LIAT1: variants seen among roughly 807,000 people sequenced by gnomAD.
LIAT1 encodes the protein protein LIAT1.
the LIAT1 span, chr17:410,420 G>A: frequency 3.8e-5 from 58 of 1,532,530 alleles, no homozygotes; most frequent in Non-Finnish European, 4.8e-5. Flanking sequence ...GGGCGCCCCC[G>A]GGGCGGGTTG....
chr17:413,764 C>T, the LIAT1 span: 19 of 1,569,982 alleles, frequency 1.2e-5, no homozygotes, highest in South Asian at 5.6e-5. Context: ...GCTTCCACCC[C>T]GACCCCAAGG....
the LIAT1 span, chr17:410,639 G>C: frequency 6.5e-7 from 1 of 1,540,324 alleles, no homozygotes; most frequent in African/African-American, 1.4e-5. Flanking sequence ...GGTCTGGCAA[G>C]GGGGACGGTA....
At chr17:410,487 A>G in the LIAT1 span, 4 of 1,543,926 alleles carry the variant, frequency 2.6e-6, no homozygotes, top group African/African-American at 4.1e-5. Context: ...AATGGGGTAC[A>G]AGGACAACGA....
At chr17:412,585 A>G in the LIAT1 span, among the ~76,000 whole-genome samples, 1 of 152,136 alleles carries the variant, frequency 6.6e-6, no homozygotes, top group African/African-American at 2.4e-5. Context: ...AAAAAAAAAA[A>G]TCAGTACAAG....
the LIAT1 span, chr17:414,322 C>A: frequency 1.7e-6 from 1 of 586,246 alleles, no homozygotes; most frequent in South Asian, 2.2e-5. The surrounding 1 kb of genome is among the most constrained non-coding windows in gnomAD (Gnocchi z 4.1). Flanking sequence ...ATTTAGTGAA[C>A]AGAGTTCTTT....
At chr17:410,759 C>T in the LIAT1 span, 13 of 968,266 alleles carry the variant, frequency 1.3e-5, no homozygotes, top group Non-Finnish European at 1.4e-5. Flanking sequence ...GGTCCCGGAC[C>T]GAGGTCCTCC....
At chr17:413,421 G>C in the LIAT1 span, 1 of 1,614,092 alleles carries the variant, frequency 6.2e-7, no homozygotes, top group Non-Finnish European at 8.5e-7. Context: ...AAACTGAATC[G>C]GAGAAAACGG....
At chr17:410,329 C>T in the LIAT1 span, 2 of 1,456,014 alleles carry the variant, frequency 1.4e-6, no homozygotes, top group Non-Finnish European at 1.8e-6. Context: ...GCAGGCGCAG[C>T]AGGGGTGGTC....
chr17:411,616 G>C, the LIAT1 span, among the ~76,000 whole-genome samples: 5 of 152,132 alleles, frequency 3.3e-5, no homozygotes, highest in African/African-American at 1.2e-4. Flanking sequence ...CTGTTAATAC[G>C]TTATCCATTC....
At chr17:414,459 A>G in the LIAT1 span, 1 of 235,052 alleles carries the variant, frequency 4.3e-6, no homozygotes, top group African/African-American at 2.3e-5. This position sits in a 1 kb window ranked among gnomAD's most constrained non-coding sequence, Gnocchi z 4.1. Context: ...TCTCAATCTC[A>G]TGGTGAAACT....
At chr17:410,648 T>C in the LIAT1 span, 1 of 1,539,014 alleles carries the variant, frequency 6.5e-7, no homozygotes, top group Non-Finnish European at 8.7e-7. Flanking sequence ...AGGGGGACGG[T>C]AAGAGGAGCA....
chr17:410,809 C>T, the LIAT1 span, among the ~76,000 whole-genome samples: 1 of 152,114 alleles, frequency 6.6e-6, no homozygotes, highest in South Asian at 2.1e-4. Context: ...GTTGATGCCC[C>T]AGCCCCACCC....
the LIAT1 span, chr17:410,731 C>A: frequency 8.3e-6 from 11 of 1,323,226 alleles, no homozygotes; most frequent in Non-Finnish European, 1.1e-5. Flanking sequence ...CCCTTCAGAC[C>A]GGAAACAGAA....
chr17:414,090 A>T, the LIAT1 span: 3 of 1,613,808 alleles, frequency 1.9e-6, no homozygotes, highest in Non-Finnish European at 2.5e-6. The surrounding 1 kb of genome is among the most constrained non-coding windows in gnomAD (Gnocchi z 4.1). Context: ...CTACACTCTG[A>T]CTTAGCTCCT....
chr17:410,668 G>C, the LIAT1 span: 1 of 1,534,810 alleles, frequency 6.5e-7, no homozygotes, highest in Non-Finnish European at 8.7e-7. Context: ...AGCTAGCCCG[G>C]CTGCGTCAGC....
the LIAT1 span, chr17:413,497 C>A: frequency 1.4e-6 from 2 of 1,457,996 alleles, no homozygotes; most frequent in Non-Finnish European, 1.8e-6. Context: ...TCCACCCCGA[C>A]CCCGACGCCC....
chr17:410,587 A>T, the LIAT1 span: 2 of 1,546,272 alleles, frequency 1.3e-6, no homozygotes, highest in Middle Eastern at 1.7e-4. Flanking sequence ...GAGCTGGCCA[A>T]ACGGAAGGTG....
chr17:414,089 G>T, the LIAT1 span: 1 of 1,613,912 alleles, frequency 6.2e-7, no homozygotes, highest in South Asian at 1.1e-5. This position sits in a 1 kb window ranked among gnomAD's most constrained non-coding sequence, Gnocchi z 4.1. Flanking sequence ...TCTACACTCT[G>T]ACTTAGCTCC....
chr17:412,328 C>A, the LIAT1 span, among the ~76,000 whole-genome samples: 1 of 151,712 alleles, frequency 6.6e-6, no homozygotes, highest in African/African-American at 2.4e-5. Flanking sequence ...CTGTGTGTAT[C>A]TGCAAAAAGA....
Sources: gnomAD v4.1 joint callset for allele counts (sites outside exome capture counted in the v4.1 genomes callset) on GRCh38, gnomAD v4.1.1 for gene constraint, Gnocchi (gnomAD v3.1) non-coding constraint, MANE v1.5 for transcripts, NCBI Gene and HGNC (gene_info 2026-07-23, HGNC 2026-07-21) for gene names.